GPR160: variants seen among roughly 807,000 people sequenced by gnomAD.
The protein encoded by GPR160 is probable G protein-coupled receptor 160.
GPR160 carries 2 observed loss-of-function variants against 2.6 expected under a neutral mutation model. That is an observed-to-expected ratio of 0.77 (90% CI 0.32 to 2.44). The LOEUF (loss-of-function observed/expected upper bound fraction) is 2.44, where lower values mean the gene tolerates loss of function less well. Ranked by LOEUF, GPR160 falls within the 30% of genes most tolerant of loss-of-function variation. The pLI is 0.11. For missense variants in GPR160, 351 were observed against 383.6 expected (o/e 0.91, Z 0.71); for synonymous variants, 130 against 132.2 (o/e 0.98, Z 0.12).
intron 2 of GPR160, among the ~76,000 whole-genome samples, chr3:170,041,368 C>G (rs1042127348): frequency 7.2e-6 from 1 of 138,946 alleles, no homozygotes; most frequent in Non-Finnish European, 1.5e-5. Flanking sequence ...GTGGCGTGAT[C>G]TCGGCTCACT....
At chr3:170,045,539 G>A (rs1323877846) in intron 2 of GPR160, among the ~76,000 whole-genome samples, 1 of 149,048 alleles carries the variant, frequency 6.7e-6, no homozygotes, top group African/African-American at 2.5e-5. Context: ...GCAGTGAGCC[G>A]AGATCACGCC....
chr3:170,064,213 T>A (rs1712168281), intron 2 of GPR160, among the ~76,000 whole-genome samples: 1 of 152,178 alleles, frequency 6.6e-6, no homozygotes, highest in Admixed American at 6.5e-5. Context: ...CCCTGCCAGT[T>A]TTCCCCGCGT....
chr3:170,074,267 C>A (rs1489448226), intron 2 of GPR160, among the ~76,000 whole-genome samples: 1 of 152,136 alleles, frequency 6.6e-6, no homozygotes, highest in African/African-American at 2.4e-5. Context: ...TTTCATCATA[C>A]AAATTTATCG....
chr3:170,082,779 G>A (rs62293456), intron 3 of GPR160, among the ~76,000 whole-genome samples: 2 of 147,840 alleles, frequency 1.4e-5, no homozygotes, highest in South Asian at 2.1e-4. Flanking sequence ...TTTTTTTTTG[G>A]TAGAGGCAGC....
chr3:170,048,257 ACT>A (rs1716813378), intron 2 of GPR160, among the ~76,000 whole-genome samples: 1 of 152,178 alleles, frequency 6.6e-6, no homozygotes, highest in Admixed American at 6.5e-5. Context: ...GACTATGGAG[ACT>A]CAGAAGGGCA....
intron 2 of GPR160, among the ~76,000 whole-genome samples, chr3:170,059,576 A>T (rs537932977): frequency 6.6e-6 from 1 of 152,274 alleles, no homozygotes; most frequent in African/African-American, 2.4e-5. Flanking sequence ...TCTTCATTGA[A>T]ATTCTGTATT....
At chr3:170,075,872 G>A (rs1031837644) in intron 2 of GPR160, among the ~76,000 whole-genome samples, 4 of 152,036 alleles carry the variant, frequency 2.6e-5, no homozygotes, top group African/African-American at 7.2e-5. Flanking sequence ...CTTCCTTATC[G>A]CCAGCCTTAT....
chr3:170,069,657 G>A (rs1320791329), intron 2 of GPR160, among the ~76,000 whole-genome samples: 8 of 152,016 alleles, frequency 5.3e-5, no homozygotes, highest in South Asian at 2.1e-4. Context: ...ACCAGTGGTC[G>A]ATCCTGCCCC....
At chr3:170,049,195 AC>A (rs1177344858) in intron 2 of GPR160, among the ~76,000 whole-genome samples, 1 of 152,152 alleles carries the variant, frequency 6.6e-6, no homozygotes, top group African/African-American at 2.4e-5. Context: ...GCCCTGCTAC[AC>A]ACAGCTTTAT....
At chr3:170,065,416 T>C (rs1223760237) in intron 2 of GPR160, among the ~76,000 whole-genome samples, 1 of 152,258 alleles carries the variant, frequency 6.6e-6, no homozygotes, top group Non-Finnish European at 1.5e-5. Context: ...GCACTCTGGA[T>C]CTGATGCCTA....
At chr3:170,082,158 T>C (rs1713167272) in intron 3 of GPR160, among the ~76,000 whole-genome samples, 2 of 152,238 alleles carry the variant, frequency 1.3e-5, no homozygotes. Context: ...TATTGGTAAC[T>C]TGATATGTAC....
chr3:170,056,407 A>G (rs1278922800), intron 2 of GPR160, among the ~76,000 whole-genome samples: 1 of 152,256 alleles, frequency 6.6e-6, no homozygotes, highest in African/African-American at 2.4e-5. Context: ...TGGAGGAAGC[A>G]GGGGACATAA....
At chr3:170,059,925 T>C (rs6790119) in intron 2 of GPR160, among the ~76,000 whole-genome samples, 1 of 151,764 alleles carries the variant, frequency 6.6e-6, no homozygotes, top group African/African-American at 2.4e-5. Flanking sequence ...TGGGAGATGA[T>C]CTTTCAAGTA....
intron 2 of GPR160, among the ~76,000 whole-genome samples, chr3:170,072,308 C>G (rs758576622): frequency 2.6e-5 from 4 of 152,094 alleles, no homozygotes. Context: ...CTCCTGACCT[C>G]AAGTGATCCA....
At chr3:170,070,774 T>C (rs1171489781) in intron 2 of GPR160, among the ~76,000 whole-genome samples, 1 of 152,228 alleles carries the variant, frequency 6.6e-6, no homozygotes, top group East Asian at 1.9e-4. Flanking sequence ...AACATTTGTT[T>C]AAAGAAGGCA....
At chr3:170,061,343 A>G (rs1224658705) in intron 2 of GPR160, among the ~76,000 whole-genome samples, 2 of 151,932 alleles carry the variant, frequency 1.3e-5, no homozygotes, top group Non-Finnish European at 2.9e-5. Context: ...AGAGACTAAC[A>G]AGACATGACA....
chr3:170,075,631 A>AT (rs947119143), intron 2 of GPR160, among the ~76,000 whole-genome samples: 2 of 152,218 alleles, frequency 1.3e-5, no homozygotes, highest in African/African-American at 4.8e-5. Flanking sequence ...TCCCCAGCCC[A>AT]TGATGGGGAA....
chr3:170,043,334 A>G (rs114641106), intron 2 of GPR160, among the ~76,000 whole-genome samples: 2,696 of 152,106 alleles, frequency 0.018, 99 homozygotes, highest in African/African-American at 0.062. Flanking sequence ...GGTGCCAGAC[A>G]CCATGCCTGG....
chr3:170,062,567 C>T (rs1433971294), intron 2 of GPR160: 16 of 816,066 alleles, frequency 2.0e-5, no homozygotes, highest in Non-Finnish European at 2.3e-5. Context: ...CAGGAGAGGA[C>T]CCCTCGCACC....
Sources: gnomAD v4.1 joint callset for allele counts (sites outside exome capture counted in the v4.1 genomes callset) on GRCh38, gnomAD v4.1.1 for gene constraint, MANE v1.5 for transcripts, NCBI Gene and HGNC (gene_info 2026-07-23, HGNC 2026-07-21) for gene names.